ABTB2: variants seen among roughly 807,000 people sequenced by gnomAD.
The protein encoded by ABTB2 is ankyrin repeat and BTB domain containing 2, also known as ankyrin repeat and BTB/POZ domain-containing protein 2.
A neutral mutation model predicts 104.1 loss-of-function variants in ABTB2; 56 were observed. That is an observed-to-expected ratio of 0.54 (90% confidence interval 0.43 to 0.67). The LOEUF is 0.67. ABTB2 is among the 30% of genes least tolerant of loss of function. The pLI is 0.00. For missense variants in ABTB2, 1,279 were observed against 1,407.7 expected, an observed-to-expected ratio of 0.91 and a Z score of 1.46; for synonymous variants, 606 against 608.2, an observed-to-expected ratio of 1.00 and a Z score of 0.05.
At chr11:34,254,036 A>G (rs967262047) in intron 1 of ABTB2, among the ~76,000 whole-genome samples, 3 of 152,204 alleles carry the variant, frequency 2.0e-5, no homozygotes, top group Non-Finnish European at 2.9e-5. Context: ...CAGTACCCAC[A>G]GCTTAATAAG....
Position 34,356,920 on chromosome 11 carries a change from G to A in ABTB2, c.664C>T (p.Arg222Cys). ...GAGATGGCTGCGTACTCGTGGATGC[G>A]CACGGAGATTCGGGTGTCCACCATC... ...RWMVDTRISV[R>C]IHEYAAISLT... The change falls in exon 1 of 17, where the codon CGC (arginine) becomes TGC (cysteine). Residue 222 changes from arginine (R) to cysteine (C), a missense_variant. Coordinates refer to ENST00000435224, the MANE Select transcript of ABTB2 (RefSeq NM_145804.3). The surrounding 1 kb of genome is among the most constrained non-coding windows in gnomAD (Gnocchi z 4.6). 2 of 1,602,406 alleles carry A rather than the reference G, an allele frequency of 1.2e-6. No homozygotes were observed. Among genetic ancestry groups the A allele is most frequent in the South Asian group, 1.1e-5 (1 of 89,216 alleles).
chr11:34,164,053 G>A (rs919256947), intron 9 of ABTB2, among the ~76,000 whole-genome samples: 2 of 152,160 alleles, frequency 1.3e-5, no homozygotes, highest in African/African-American at 4.8e-5. Context: ...GAGGCTGGTG[G>A]CAAGAATGGT....
At chr11:34,308,470 A>G (rs1359557023) in intron 1 of ABTB2, among the ~76,000 whole-genome samples, 1 of 152,166 alleles carries the variant, frequency 6.6e-6, no homozygotes, top group South Asian at 2.1e-4. Context: ...ACATTCGATC[A>G]CATCTTGGGG....
chr11:34,192,189 G>C (rs1167869671), intron 3 of ABTB2, among the ~76,000 whole-genome samples: 1 of 152,040 alleles, frequency 6.6e-6, no homozygotes, highest in Non-Finnish European at 1.5e-5. Context: ...GCTACTGGGG[G>C]GGCTGAGGTG....
chr11:34,345,541 G>A (rs989994037), intron 1 of ABTB2, among the ~76,000 whole-genome samples: 6 of 141,616 alleles, frequency 4.2e-5, no homozygotes, highest in East Asian at 2.1e-4. Context: ...CCCCACCCCC[G>A]CCATCATCAT....
At chr11:34,312,794 G>A (rs1426150731) in intron 1 of ABTB2, among the ~76,000 whole-genome samples, 1 of 152,126 alleles carries the variant, frequency 6.6e-6, no homozygotes, top group Non-Finnish European at 1.5e-5. Context: ...TTGACCTCCT[G>A]GGCTCAGGCA....
intron 1 of ABTB2, among the ~76,000 whole-genome samples, chr11:34,355,265 A>AAAAC (rs3832736): frequency 0.12 from 18,584 of 152,044 alleles, 1,733 homozygotes; most frequent in East Asian, 0.37. Context: ...TCCAGTAAGA[A>AAAAC]AAACAAACAA....
At chr11:34,354,362 G>A (rs992968973) in intron 1 of ABTB2, among the ~76,000 whole-genome samples, 5 of 152,026 alleles carry the variant, frequency 3.3e-5, no homozygotes, top group Non-Finnish European at 7.4e-5. Context: ...CACGCCTGTC[G>A]CCTGTAATCC....
At position 34,335,556 on chromosome 11, in the gene ABTB2, AT is replaced by A. The variant is rs137886298; in HGVS notation, c.883+21144del. ...TCGCCACAATTCTGGACACGTTTGT[AT>A]TGCACACTCCACTCTGGCACTTTCA... On this transcript the variant is annotated intron_variant, in intron 1 of 16. Transcript: ENST00000435224. 3.0e-3 allele frequency: 4,248 copies of A among 1,400,752 alleles called. 217 individuals are homozygous for A. In the East Asian group the frequency reaches 0.093, roughly 31 times the overall value. The allele number at this position is 1,400,752 out of a possible 1,614,324, so 86.8% of individuals were successfully genotyped here.
At chr11:34,248,304 G>C (rs1854011589) in intron 1 of ABTB2, among the ~76,000 whole-genome samples, 1 of 151,682 alleles carries the variant, frequency 6.6e-6, no homozygotes, top group South Asian at 2.1e-4. Flanking sequence ...TGTAGCCCAG[G>C]CTGGTCTCAA....
Position 34,151,385 on chromosome 11 carries a change from TCTC to T in ABTB2, c.*999_*1001del, listed in dbSNP as rs1045572835. 6.6e-6 allele frequency: 1 copy of T among 152,216 alleles called. No homozygotes were observed. Among genetic ancestry groups the T allele is most frequent in the Non-Finnish European group, 1.5e-5 (1 of 68,046 alleles). The allele number at this position is 152,216 out of a possible 1,614,324, so 9.4% of individuals were successfully genotyped here. A position where few individuals can be genotyped will look rare whatever the true frequency, so the allele number is the denominator to read the frequency against. ...GAGGGGACACAGCAGAAAGGCCTCTTCTCCTGGCCCTTACCTTCCATCAATGCC... is the reference window on the plus strand; with the variant it reads ...GAGGGGACACAGCAGAAAGGCCTCTTCTGGCCCTTACCTTCCATCAATGCC... On this transcript the variant is annotated 3_prime_UTR_variant, in exon 17 of 17. Coordinates refer to ENST00000435224, the MANE Select transcript of ABTB2 (RefSeq NM_145804.3).
At chr11:34,335,515 G>A in intron 1 of ABTB2, 1 of 1,048,164 alleles carries the variant, frequency 9.5e-7, no homozygotes, top group Non-Finnish European at 1.5e-6. Context: ...TCTGGAAACA[G>A]TGATTCAAAA....
intron 1 of ABTB2, among the ~76,000 whole-genome samples, chr11:34,304,876 C>G (rs966222497): frequency 6.6e-6 from 1 of 152,230 alleles, no homozygotes; most frequent in African/African-American, 2.4e-5. Flanking sequence ...GGCTGCCACT[C>G]TCTTCCAAGG....
At position 34,167,298 on chromosome 11, in the gene ABTB2, C is replaced by T; in HGVS notation, c.1716G>A (p.Leu572=). The change falls in exon 7 of 17, where the codon CTG becomes CTA. Residue 572 remains leucine (L), a synonymous_variant. Transcript: ENST00000435224. ...IHPDSRHWTS[L]TFAVLHGHIS... ...TGTGTCCATGCAGCACAGCGAATGT[C>T]AGTGAGGTCCAGTGCCGGCTGTCGG... The T allele has an allele frequency of 6.2e-7, 1 of 1,613,344 alleles. No homozygotes were observed. Among genetic ancestry groups the T allele is most frequent in the Non-Finnish European group, 8.5e-7 (1 of 1,179,676 alleles).
intron 1 of ABTB2, among the ~76,000 whole-genome samples, chr11:34,338,923 T>A (rs11602548): frequency 0.041 from 6,316 of 152,214 alleles, 244 homozygotes; most frequent in Non-Finnish European, 0.055. Context: ...GCAAGAGCAC[T>A]CCCTAAAGCC....
intron 1 of ABTB2, among the ~76,000 whole-genome samples, chr11:34,301,299 A>G (rs1268617673): frequency 2.0e-5 from 3 of 152,194 alleles, no homozygotes; most frequent in Admixed American, 1.3e-4. Flanking sequence ...TCATCTTGCC[A>G]TTAAATGAAT....
chr11:34,288,781 T>A (rs1050072818), intron 1 of ABTB2, among the ~76,000 whole-genome samples: 2 of 152,026 alleles, frequency 1.3e-5, no homozygotes, highest in African/African-American at 4.8e-5. Context: ...AAGGAAGGTA[T>A]AGGGGCTGTG....
chr11:34,221,385 A>C (rs1362612876), intron 1 of ABTB2, among the ~76,000 whole-genome samples: 1 of 152,212 alleles, frequency 6.6e-6, no homozygotes, highest in East Asian at 1.9e-4. Context: ...TCACACTCTC[A>C]GGTAGTGGGA....
intron 1 of ABTB2, among the ~76,000 whole-genome samples, chr11:34,249,455 G>A (rs1854027999): frequency 6.6e-6 from 1 of 152,154 alleles, no homozygotes; most frequent in South Asian, 2.1e-4. Flanking sequence ...TCCCCACCAA[G>A]GCTTCTCAAA....
Sources: allele counts gnomAD v4.1 joint callset (sites outside exome capture counted in the v4.1 genomes callset), GRCh38; gene constraint gnomAD v4.1.1; non-coding constraint Gnocchi (gnomAD v3.1); transcripts MANE v1.5; gene names NCBI Gene and HGNC (gene_info 2026-07-23, HGNC 2026-07-21).